The following ZNF423 variants were observed in gnomAD, a reference collection of about 807,000 sequenced individuals.
ZNF423 encodes zinc finger protein 423, also known as Ebf-associated zinc finger protein.
A neutral mutation model predicts 95.8 loss-of-function variants in ZNF423; 12 were observed. That is an observed-to-expected ratio of 0.13 (90% CI 0.08 to 0.20). ZNF423 has a LOEUF of 0.20. Among genes scored for constraint, ZNF423 ranks in the 10% least tolerant of loss-of-function variants. The pLI is 1.00. For missense variants in ZNF423, 1,316 were observed against 1,737.1 expected (o/e 0.76, Z 4.31); for synonymous variants, 749 against 711.9 (o/e 1.05, Z -0.83).
chr16:49,751,077 C>T (rs1462317623), intron 2 of ZNF423, among the ~76,000 whole-genome samples: 1 of 152,172 alleles, frequency 6.6e-6, no homozygotes, highest in African/African-American at 2.4e-5. Flanking sequence ...GCCCCTCAAG[C>T]GGCCCAGAGT....
chr16:49,499,688 C>T lies in ZNF423; in HGVS notation c.3850-8384G>A, dbSNP rs117340451. Among the ~76,000 whole-genome samples, 300 of 152,300 alleles carry T rather than the reference C, an allele frequency of 2.0e-3. 1 individual carries two copies. The highest frequency in any genetic ancestry group is 3.5e-3 in the Non-Finnish European group (236 of 68,038). ...CTCTTGCCAGGACACAAAAGACCAACGCAGGTGGCTTGGTCAACAATCAGT... is the reference window on the plus strand; with the variant it reads ...CTCTTGCCAGGACACAAAAGACCAATGCAGGTGGCTTGGTCAACAATCAGT... On this transcript the variant is annotated intron_variant, in intron 7 of 7. Coordinates refer to ENST00000563137, the MANE Select transcript of ZNF423 (RefSeq NM_001379286.1).
chr16:49,641,056 C>T (rs575830122), intron 3 of ZNF423, among the ~76,000 whole-genome samples: 34 of 152,348 alleles, frequency 2.2e-4, no homozygotes, highest in South Asian at 6.2e-4. Flanking sequence ...GATGTCTTCA[C>T]TCAGACTCAC....
chr16:49,533,840 A>G (rs1968947617), intron 5 of ZNF423, among the ~76,000 whole-genome samples: 1 of 152,138 alleles, frequency 6.6e-6, no homozygotes, highest in Admixed American at 6.5e-5. Flanking sequence ...CTGTTATGAG[A>G]GTAAATGAGA....
chr16:49,748,243 T>C (rs2033563448), intron 2 of ZNF423, among the ~76,000 whole-genome samples: 1 of 152,206 alleles, frequency 6.6e-6, no homozygotes, highest in Non-Finnish European at 1.5e-5. Context: ...GTGATTAAAG[T>C]CATGCACATC....
chr16:49,573,687 T>G (rs1970414853), intron 5 of ZNF423, among the ~76,000 whole-genome samples: 1 of 152,212 alleles, frequency 6.6e-6, no homozygotes, highest in East Asian at 1.9e-4. Context: ...ATACGGATTT[T>G]GGGATTAAAT....
chr16:49,803,031 G>C (rs1218134879), intron 1 of ZNF423, among the ~76,000 whole-genome samples: 1 of 152,064 alleles, frequency 6.6e-6, no homozygotes, highest in Non-Finnish European at 1.5e-5. Flanking sequence ...AAGGTGGGAG[G>C]ATCACTTGAG....
At chr16:49,591,543 T>G (rs554578331) in intron 5 of ZNF423, among the ~76,000 whole-genome samples, 1 of 152,194 alleles carries the variant, frequency 6.6e-6, no homozygotes, top group East Asian at 1.9e-4. Flanking sequence ...AATAGGGCAT[T>G]ATAACTCCAC....
rs1446939609 is a variant in ZNF423 at position 49,774,245 on chromosome 16, C to T, written c.100+15242G>A. On this transcript the variant is annotated intron_variant, in intron 2 of 7. Coordinates refer to ENST00000563137, the MANE Select transcript of ZNF423 (RefSeq NM_001379286.1). Reference sequence around the variant, plus strand: ...TTGGAGAAGGCATTTCCTCCCCTTCCAGCCCTGGGCCAGTGGGTCAGGTTT... The same window carrying T: ...TTGGAGAAGGCATTTCCTCCCCTTCTAGCCCTGGGCCAGTGGGTCAGGTTT... Among the ~76,000 whole-genome samples, 4 of 152,194 alleles carry T rather than the reference C, an allele frequency of 2.6e-5. No homozygotes were observed. The South Asian group carries it at 6.2e-4, about 24-fold the overall frequency.
intron 1 of ZNF423, among the ~76,000 whole-genome samples, chr16:49,850,135 A>C (rs547395084): frequency 6.6e-6 from 1 of 152,334 alleles, no homozygotes; most frequent in East Asian, 1.9e-4. Flanking sequence ...CTGAGTGTAC[A>C]ACCCCAATCG....
At position 49,514,296 on chromosome 16, in the gene ZNF423, A is replaced by G. The variant is rs1968042100; in HGVS notation, c.3849+9328T>C. The stretch of plus-strand genomic sequence containing the variant: ...CACACACCACTCTCCATCACAGTAC[A>G]GCGTTTTCACATTCTGAAATCCCCT... On this transcript the variant is annotated intron_variant, in intron 7 of 7. Transcript: ENST00000563137. 4.0e-5 allele frequency among the ~76,000 whole-genome samples: 6 copies of G among 151,892 alleles called. No individual in the cohort carries two copies. The South Asian group carries it at 1.2e-3, about 32-fold the overall frequency.
At chr16:49,542,631 GA>G (rs1969293651) in intron 5 of ZNF423, among the ~76,000 whole-genome samples, 1 of 152,248 alleles carries the variant, frequency 6.6e-6, no homozygotes, top group South Asian at 2.1e-4. Flanking sequence ...CCCCCATGAG[GA>G]GGCTGCCACG....
chr16:49,519,863 C>T (rs759686153), intron 7 of ZNF423, among the ~76,000 whole-genome samples: 1 of 152,172 alleles, frequency 6.6e-6, no homozygotes, highest in African/African-American at 2.4e-5. Flanking sequence ...ATTCACTGTG[C>T]TTCAGCTGCA....
At chr16:49,518,585 C>CAA (rs559016569) in intron 7 of ZNF423, 172 of 375,402 alleles carry the variant, frequency 4.6e-4, no homozygotes, top group East Asian at 8.6e-4. Flanking sequence ...TGTTCCATTG[C>CAA]AAAAAAAAAA....
chr16:49,693,218 C>T (rs149449403), intron 3 of ZNF423, among the ~76,000 whole-genome samples: 196 of 152,320 alleles, frequency 1.3e-3, no homozygotes, highest in African/African-American at 4.5e-3. Flanking sequence ...ATCTATTAAG[C>T]ATCTTTATTC....
chr16:49,556,028 C>T (rs998623104), intron 5 of ZNF423, among the ~76,000 whole-genome samples: 1 of 152,122 alleles, frequency 6.6e-6, no homozygotes, highest in African/African-American at 2.4e-5. Flanking sequence ...ACATGAGAAC[C>T]ACAGACCTGC....
chr16:49,832,006 C>T (rs1169120623), intron 1 of ZNF423, among the ~76,000 whole-genome samples: 1 of 151,104 alleles, frequency 6.6e-6, no homozygotes, highest in Non-Finnish European at 1.5e-5. Context: ...AAGGAAGATG[C>T]CAGTATTCAT....
intron 1 of ZNF423, among the ~76,000 whole-genome samples, chr16:49,837,028 C>T (rs1285544785): frequency 1.3e-5 from 2 of 152,132 alleles, no homozygotes; most frequent in Non-Finnish European, 1.5e-5. Context: ...CTGTGGACGC[C>T]GGGACACATT....
chr16:49,731,010 G>A (rs1452867517), intron 2 of ZNF423, 39 bp from the exon 3 acceptor site: 2 of 1,602,850 alleles, frequency 1.2e-6, no homozygotes, highest in South Asian at 1.1e-5. Context: ...CAGCTGATGG[G>A]GTCTTGGGAA....
At chr16:49,756,712 A>G (rs1330573867) in intron 2 of ZNF423, among the ~76,000 whole-genome samples, 1 of 152,190 alleles carries the variant, frequency 6.6e-6, no homozygotes, top group African/African-American at 2.4e-5. Flanking sequence ...GGTGGCAACC[A>G]TCACCACCTC....
Sources: allele counts gnomAD v4.1 joint callset (sites outside exome capture counted in the v4.1 genomes callset), GRCh38; gene constraint gnomAD v4.1.1; transcripts MANE v1.5; gene names NCBI Gene and HGNC (gene_info 2026-07-23, HGNC 2026-07-21).